The following NAA11 variants were observed in gnomAD, a reference collection of about 807,000 sequenced individuals.
NAA11 encodes N-alpha-acetyltransferase 11, NatA catalytic subunit.
NAA11 carries 15 observed loss-of-function variants against 16.1 expected under a neutral mutation model. The observed-to-expected ratio is 0.93, with a 90% CI of 0.62 to 1.44. NAA11 has a LOEUF of 1.44. Ranked by LOEUF, NAA11 falls within the 40% of genes most tolerant of loss-of-function variation. The pLI is 0.00. For missense variants in NAA11, 298 were observed against 291.3 expected (o/e 1.02, Z -0.17); for synonymous variants, 122 against 112.4 (o/e 1.09, Z -0.54).
chr4:79,205,176 C>T, the NAA11 span, among the ~76,000 whole-genome samples: 8 of 151,968 alleles, frequency 5.3e-5, no homozygotes, highest in Non-Finnish European at 8.8e-5. Flanking sequence ...TCCTTTAAGT[C>T]GATACCCAGT....
chr4:79,279,811 C>T (rs573161114), intron 2 of NAA11, among the ~76,000 whole-genome samples: 1 of 152,200 alleles, frequency 6.6e-6, no homozygotes, highest in African/African-American at 2.4e-5. Flanking sequence ...GAGGAGGCAA[C>T]CCAGGACTCA....
chr4:79,205,037 C>T, the NAA11 span, among the ~76,000 whole-genome samples: 1 of 151,574 alleles, frequency 6.6e-6, no homozygotes. Flanking sequence ...GTTATATATA[C>T]ACACCACATT....
At chr4:79,308,000 A>G (rs981911281) in intron 1 of NAA11, among the ~76,000 whole-genome samples, 4 of 152,158 alleles carry the variant, frequency 2.6e-5, no homozygotes, top group Admixed American at 2.0e-4. Flanking sequence ...TGGATATGAA[A>G]TTATATATGG....
At chr4:79,245,083 C>T (rs12644018) in intron 2 of NAA11, 110,014 of 157,648 alleles carry the variant, frequency 0.7, 41,157 homozygotes, top group East Asian at 0.89. Context: ...TCTGCCTGGC[C>T]GCCTATTGTC....
intron 1 of NAA11, among the ~76,000 whole-genome samples, chr4:79,321,653 T>C (rs1724091217): frequency 6.6e-6 from 1 of 152,194 alleles, no homozygotes; most frequent in Non-Finnish European, 1.5e-5. Flanking sequence ...ACAGTAGTAT[T>C]AGCAATACTT....
At chr4:79,196,102 C>T in the NAA11 span, among the ~76,000 whole-genome samples, 1 of 152,036 alleles carries the variant, frequency 6.6e-6, no homozygotes, top group Non-Finnish European at 1.5e-5. Flanking sequence ...GCTACACTTC[C>T]AGTCTCTACT....
intron 2 of NAA11, among the ~76,000 whole-genome samples, chr4:79,248,729 G>A (rs1359523570): frequency 2.6e-5 from 4 of 152,136 alleles, no homozygotes; most frequent in South Asian, 2.1e-4. Flanking sequence ...TCCCCACCCC[G>A]TGCCAATACT....
At chr4:79,201,149 T>C in the NAA11 span, among the ~76,000 whole-genome samples, 2 of 151,640 alleles carry the variant, frequency 1.3e-5, no homozygotes, top group Non-Finnish European at 3.0e-5. Context: ...TGTTTCTTAA[T>C]TTATTTACCC....
At chr4:79,198,407 A>G in the NAA11 span, among the ~76,000 whole-genome samples, 1 of 151,978 alleles carries the variant, frequency 6.6e-6, no homozygotes, top group South Asian at 2.1e-4. Context: ...TTAATTAAGC[A>G]TGGGAATCAA....
At chr4:79,200,581 GAT>G in the NAA11 span, among the ~76,000 whole-genome samples, 1 of 151,702 alleles carries the variant, frequency 6.6e-6, no homozygotes, top group African/African-American at 2.4e-5. Context: ...ACTTAGAAGA[GAT>G]ATTAGGGAAG....
chr4:79,293,284 AAAG>A (rs1265059691), intron 2 of NAA11, among the ~76,000 whole-genome samples: 1 of 152,178 alleles, frequency 6.6e-6, no homozygotes, highest in African/African-American at 2.4e-5. Context: ...AAACAAAGGG[AAAG>A]ACTCTGATCT....
intron 2 of NAA11, among the ~76,000 whole-genome samples, chr4:79,242,906 AG>A (rs1721727141): frequency 6.6e-6 from 1 of 152,224 alleles, no homozygotes; most frequent in Non-Finnish European, 1.5e-5. Context: ...AGAGGAGCTT[AG>A]GGTTCCCTTG....
intron 2 of NAA11, among the ~76,000 whole-genome samples, chr4:79,249,924 C>CA (rs1200913134): frequency 6.6e-6 from 1 of 152,220 alleles, no homozygotes; most frequent in Non-Finnish European, 1.5e-5. Flanking sequence ...TCTACACCTT[C>CA]AACCTAGGCA....
At chr4:79,228,953 T>A (rs2109954136) in intron 2 of NAA11, among the ~76,000 whole-genome samples, 1 of 152,148 alleles carries the variant, frequency 6.6e-6, no homozygotes, top group East Asian at 1.9e-4. Context: ...TCTAGTTACT[T>A]TATATGCTTA....
At chr4:79,231,892 A>G (rs1721474644) in intron 2 of NAA11, among the ~76,000 whole-genome samples, 1 of 151,680 alleles carries the variant, frequency 6.6e-6, no homozygotes, top group Non-Finnish European at 1.5e-5. Context: ...TCATATATAT[A>G]TATGCATACA....
At chr4:79,273,785 A>G (rs1722553267) in intron 2 of NAA11, among the ~76,000 whole-genome samples, 1 of 152,108 alleles carries the variant, frequency 6.6e-6, no homozygotes, top group African/African-American at 2.4e-5. Flanking sequence ...TCCTCTAAGC[A>G]GAACATGTAT....
At chr4:79,324,169 T>C (rs903560594) in intron 1 of NAA11, among the ~76,000 whole-genome samples, 2 of 152,174 alleles carry the variant, frequency 1.3e-5, no homozygotes, top group South Asian at 4.1e-4. Flanking sequence ...TTCAATCTTT[T>C]TCTTCTTTTT....
the NAA11 span, among the ~76,000 whole-genome samples, chr4:79,164,707 ATCAT>A: frequency 1.3e-5 from 2 of 152,198 alleles, no homozygotes; most frequent in Non-Finnish European, 2.9e-5. Flanking sequence ...GTGGTTTCAG[ATCAT>A]TCATAAGCTG....
the NAA11 span, among the ~76,000 whole-genome samples, chr4:79,172,888 T>C: frequency 6.6e-6 from 1 of 152,146 alleles, no homozygotes; most frequent in Non-Finnish European, 1.5e-5. Flanking sequence ...TGCTCAACTG[T>C]TATTTTACAG....
Sources: allele counts gnomAD v4.1 joint callset (sites outside exome capture counted in the v4.1 genomes callset), GRCh38; gene constraint gnomAD v4.1.1; transcripts MANE v1.5; gene names NCBI Gene and HGNC (gene_info 2026-07-23, HGNC 2026-07-21).